The following CDKAL1 variants were observed in gnomAD, a reference collection of about 807,000 sequenced individuals.
CDKAL1 encodes the protein threonylcarbamoyladenosine tRNA methylthiotransferase.
A neutral mutation model predicts 68.2 loss-of-function variants in CDKAL1; 32 were observed. That is an observed-to-expected ratio of 0.47 (90% CI 0.35 to 0.63). CDKAL1 has a LOEUF of 0.63. CDKAL1 is among the 30% of genes least tolerant of loss of function. The probability of loss-of-function intolerance (pLI) is 0.00; values close to 1 mark genes in which losing one functional copy is unlikely to be tolerated. For missense variants in CDKAL1, 606 were observed against 696.7 expected (o/e 0.87, Z 1.47); for synonymous variants, 234 against 244.3 (o/e 0.96, Z 0.39).
At chr6:20,620,874 A>G (rs571249863) in intron 4 of CDKAL1, among the ~76,000 whole-genome samples, 92 of 152,024 alleles carry the variant, frequency 6.1e-4, no homozygotes, top group Non-Finnish European at 1.1e-3. Context: ...TTAGTACGGT[A>G]TGTTTGTTAC....
intron 9 of CDKAL1, among the ~76,000 whole-genome samples, chr6:20,950,951 CAG>C (rs1385826814): frequency 7.1e-6 from 1 of 141,048 alleles, no homozygotes; most frequent in African/African-American, 2.6e-5. Flanking sequence ...GCCTGGGTGA[CAG>C]AGTGAAACAG....
intron 4 of CDKAL1, among the ~76,000 whole-genome samples, chr6:20,645,341 A>T (rs1768391296): frequency 6.6e-6 from 1 of 152,216 alleles, no homozygotes; most frequent in South Asian, 2.1e-4. Context: ...AATTTTTGAA[A>T]ACGTTTTCAC....
chr6:20,564,285 TA>T (rs1247158995), intron 4 of CDKAL1, among the ~76,000 whole-genome samples: 3 of 152,348 alleles, frequency 2.0e-5, no homozygotes, highest in African/African-American at 7.2e-5. Flanking sequence ...TATAAAATGA[TA>T]AACTGATGGT....
intron 9 of CDKAL1, among the ~76,000 whole-genome samples, chr6:20,907,421 A>G (rs1762279766): frequency 6.6e-6 from 1 of 152,190 alleles, no homozygotes; most frequent in Non-Finnish European, 1.5e-5. Flanking sequence ...TTGTCTCAAA[A>G]CAAAAACAAA....
intron 9 of CDKAL1, among the ~76,000 whole-genome samples, chr6:20,893,044 G>A (rs1761491981): frequency 6.6e-6 from 1 of 152,156 alleles, no homozygotes; most frequent in Admixed American, 6.5e-5. Flanking sequence ...CTTACCTCAG[G>A]TAAGTAGAAA....
rs1464538518 is a variant in CDKAL1, at chr6:20,814,065, A to G, written c.639-32010A>G. On this transcript the variant is annotated intron_variant, in intron 8 of 15. Coordinates refer to ENST00000274695, the MANE Select transcript of CDKAL1 (RefSeq NM_017774.3). ...GAGTTTTCTCATTCATGAACATGGTATATCTCTATTTCATTTAGGTCTTCC... is the reference window on the plus strand; with the variant it reads ...GAGTTTTCTCATTCATGAACATGGTGTATCTCTATTTCATTTAGGTCTTCC... 2.6e-5 allele frequency among the ~76,000 whole-genome samples: 4 copies of G among 151,998 alleles called. No individual in the cohort carries two copies. In the East Asian group the frequency reaches 7.7e-4, roughly 29 times the overall value.
chr6:20,685,742 A>G (rs752904055), intron 5 of CDKAL1, among the ~76,000 whole-genome samples: 4 of 152,144 alleles, frequency 2.6e-5, no homozygotes, highest in Non-Finnish European at 4.4e-5. Flanking sequence ...ACACACCATC[A>G]CAGTCTGCTA....
At chr6:20,567,917 C>T (rs1000276508) in intron 4 of CDKAL1, among the ~76,000 whole-genome samples, 1 of 151,850 alleles carries the variant, frequency 6.6e-6, no homozygotes, top group Non-Finnish European at 1.5e-5. Flanking sequence ...CCTCTGTCGC[C>T]CAGGCTGGAG....
chr6:20,637,755 C>T (rs1014768102), intron 4 of CDKAL1, among the ~76,000 whole-genome samples: 1 of 152,190 alleles, frequency 6.6e-6, no homozygotes, highest in Non-Finnish European at 1.5e-5. Context: ...CCAGCCCCAG[C>T]ATATAGCCAC....
chr6:21,110,621 G>A (rs1774073399), intron 13 of CDKAL1, among the ~76,000 whole-genome samples: 2 of 152,092 alleles, frequency 1.3e-5, no homozygotes, highest in Non-Finnish European at 1.5e-5. Context: ...TACATATATT[G>A]TCAGTGAAAG....
At chr6:20,551,370 C>CT (rs34611621) in intron 4 of CDKAL1, among the ~76,000 whole-genome samples, 22,885 of 141,390 alleles carry the variant, frequency 0.16, 2,082 homozygotes, top group African/African-American at 0.26. Context: ...ACTAAAATAT[C>CT]TTTTTTTTTT....
intron 11 of CDKAL1, among the ~76,000 whole-genome samples, chr6:21,056,960 C>A (rs549383155): frequency 1.2e-4 from 19 of 152,268 alleles, no homozygotes; most frequent in South Asian, 8.3e-4. Flanking sequence ...TGATGTTCAT[C>A]AGGGATAGTG....
At chr6:21,166,232 T>C (rs1777146270) in intron 13 of CDKAL1, among the ~76,000 whole-genome samples, 1 of 152,128 alleles carries the variant, frequency 6.6e-6, no homozygotes, top group African/African-American at 2.4e-5. Context: ...GATAACTTCA[T>C]GTAGTTTTTC....
At chr6:20,797,824 A>ATTTTATTTTATTTTTTT (rs1305180130) in intron 8 of CDKAL1, among the ~76,000 whole-genome samples, 2 of 109,782 alleles carry the variant, frequency 1.8e-5, no homozygotes, top group African/African-American at 3.2e-5. Context: ...ATTTTATTTT[A>ATTTTATTTTATTTTTTT]TTTTTTCTTG....
chr6:20,804,754 C>A (rs1170936892), intron 8 of CDKAL1, among the ~76,000 whole-genome samples: 1 of 151,934 alleles, frequency 6.6e-6, no homozygotes, highest in African/African-American at 2.4e-5. Flanking sequence ...GGTACTGGGG[C>A]CATGGGGGTG....
chr6:20,915,533 T>C (rs79202502), intron 9 of CDKAL1, among the ~76,000 whole-genome samples: 2,431 of 152,320 alleles, frequency 0.016, 35 homozygotes, highest in Non-Finnish European at 0.025. Context: ...TAATCTGCTT[T>C]ACTCAAACTC....
chr6:21,092,915 C>G (rs1275599768), intron 12 of CDKAL1, among the ~76,000 whole-genome samples: 1 of 149,136 alleles, frequency 6.7e-6, no homozygotes, highest in Non-Finnish European at 1.5e-5. Context: ...TAGAGAAAAT[C>G]TCTAGAAAGT....
chr6:21,122,035 C>G (rs907063355), intron 13 of CDKAL1, among the ~76,000 whole-genome samples: 23 of 152,126 alleles, frequency 1.5e-4, no homozygotes, highest in Non-Finnish European at 2.6e-4. Flanking sequence ...TAACTAAGCC[C>G]TATGGAGCTC....
chr6:20,963,048 C>T (rs1239602107), intron 10 of CDKAL1, among the ~76,000 whole-genome samples: 2 of 152,126 alleles, frequency 1.3e-5, no homozygotes, highest in East Asian at 3.8e-4. Context: ...TAAAAGGGCT[C>T]ATATACATTT....
Sources: allele counts gnomAD v4.1 joint callset (sites outside exome capture counted in the v4.1 genomes callset), GRCh38; gene constraint gnomAD v4.1.1; transcripts MANE v1.5; gene names NCBI Gene and HGNC (gene_info 2026-07-23, HGNC 2026-07-21).